DNMT1: variants seen among roughly 807,000 people sequenced by gnomAD.
The protein encoded by DNMT1 is DNA methyltransferase 1.
A neutral mutation model predicts 205.3 loss-of-function variants in DNMT1; 24 were observed. That is an observed-to-expected ratio of 0.12 (90% CI 0.08 to 0.16). The LOEUF (loss-of-function observed/expected upper bound fraction) is 0.16, where lower values mean the gene tolerates loss of function less well. DNMT1 is among the 10% of genes least tolerant of loss of function. The pLI is 1.00. For synonymous variants in DNMT1, 817 were observed against 839.8 expected, an observed-to-expected ratio of 0.97 and a Z score of 0.47; for missense variants, 1,293 against 2,177.7, an observed-to-expected ratio of 0.59 and a Z score of 8.09.
intron 9 of DNMT1, among the ~76,000 whole-genome samples, chr19:10,170,713 C>A (rs1175295789): frequency 6.6e-6 from 1 of 152,148 alleles, no homozygotes; most frequent in Non-Finnish European, 1.5e-5. Context: ...TTACTAAGCT[C>A]CCAAGTAAGG....
chr19:10,167,113 C>A (rs1391339518), intron 10 of DNMT1, among the ~76,000 whole-genome samples: 1 of 152,164 alleles, frequency 6.6e-6, no homozygotes, highest in Non-Finnish European at 1.5e-5. Flanking sequence ...AGGGCCCTGC[C>A]GCTCAGGTGG....
chr19:10,156,531 T>C lies in DNMT1; in HGVS notation c.1281-22A>G, dbSNP rs374068606. The C allele has an allele frequency of 5.0e-6, 8 of 1,584,916 alleles. No homozygotes were observed. The African/African-American group carries it at 8.1e-5, about 16-fold the overall frequency. ...CACACTAGACAGGAAACAAAGCACA[T>C]GCTTACCAGCTAAGCCGTGAAGGCG... On this transcript the variant is annotated intron_variant, in intron 17 of 40. Coordinates refer to ENST00000359526, the MANE Select transcript of DNMT1 (RefSeq NM_001130823.3). The surrounding 1 kb of genome is among the most constrained non-coding windows in gnomAD (Gnocchi z 4.2).
chr19:10,166,565 G>T, intron 11 of DNMT1, 33 bp downstream of exon 11: 1 of 1,613,062 alleles, frequency 6.2e-7, no homozygotes, highest in Non-Finnish European at 8.5e-7. Context: ...AGAAGAATGA[G>T]GGGGAGTTCA....
chr19:10,167,214 G>A (rs1466039573), intron 10 of DNMT1, among the ~76,000 whole-genome samples: 1 of 146,438 alleles, frequency 6.8e-6, no homozygotes, highest in East Asian at 2.0e-4. Context: ...TTTTTTTCTT[G>A]AGGCAGAGTC....
At position 10,133,524 on chromosome 19, in the gene DNMT1, C is replaced by T. The variant is rs568286791; in HGVS notation, c.*143G>A. The T allele has an allele frequency of 1.1e-6, 1 of 914,782 alleles. No individual in the cohort carries two copies. The highest frequency in any genetic ancestry group is 1.7e-5 in the African/African-American group (1 of 60,304). The allele number at this position is 914,782 out of a possible 1,614,324, so 56.7% of individuals were successfully genotyped here. A position where few individuals can be genotyped will look rare whatever the true frequency, so the allele number is the denominator to read the frequency against. The stretch of plus-strand genomic sequence containing the variant: ...CTAAATCATTAGTTGATAAGCGAAC[C>T]TCACACAACAGCTTCATGTCAGCCA... On this transcript the variant is annotated 3_prime_UTR_variant, in exon 41 of 41. Transcript: ENST00000359526. The surrounding 1 kb of genome is among the most constrained non-coding windows in gnomAD (Gnocchi z 4.1).
At chr19:10,190,142 A>G (rs775991852) in intron 1 of DNMT1, among the ~76,000 whole-genome samples, 26 of 152,202 alleles carry the variant, frequency 1.7e-4, no homozygotes, top group Non-Finnish European at 8.8e-5. Flanking sequence ...ACTGGAGTTA[A>G]GGAGTTCAAG....
intron 1 of DNMT1, among the ~76,000 whole-genome samples, chr19:10,189,603 T>TGG (rs572078678): frequency 6.7e-6 from 1 of 149,896 alleles, no homozygotes; most frequent in African/African-American, 2.5e-5. Context: ...TTTTTTGAGA[T>TGG]GGGGGGGGTC....
chr19:10,157,276 T>C (rs1053710739), intron 17 of DNMT1, among the ~76,000 whole-genome samples: 2 of 151,724 alleles, frequency 1.3e-5, no homozygotes, highest in Non-Finnish European at 2.9e-5. Flanking sequence ...TCAAGATACC[T>C]CATATGGTTA....
chr19:10,167,992 A>G (rs2038730264), intron 10 of DNMT1, among the ~76,000 whole-genome samples: 1 of 152,066 alleles, frequency 6.6e-6, no homozygotes, highest in Non-Finnish European at 1.5e-5. Flanking sequence ...GCATGGTGGT[A>G]CAGGCCCATA....
chr19:10,144,453 T>G, intron 28 of DNMT1: 1 of 253,742 alleles, frequency 3.9e-6, no homozygotes, highest in Non-Finnish European at 7.8e-6. Flanking sequence ...AGTCTCACAG[T>G]TTGAAGCACG....
At position 10,154,367 on chromosome 19, in the gene DNMT1, C is replaced by T. The variant is rs1228041705; in HGVS notation, c.1945G>A (p.Ala649Thr). Residue 649 changes from alanine (A) to threonine (T), a missense_variant, in exon 22 of 41, where the codon GCA becomes ACA. Around this residue, in one of 13 missense-constraint regions of DNMT1, gnomAD observed 197 missense variants for 353.6 expected, o/e 0.56. Coordinates refer to ENST00000359526, the MANE Select transcript of DNMT1 (RefSeq NM_001130823.3). The surrounding 1 kb of genome is among the most constrained non-coding windows in gnomAD (Gnocchi z 6.3). ...CTGTCATCCTTTTCAATTTGCTCTG[C>T]GAAGAAAGTATCGAAGATCTGGTAG... ...LVYQIFDTFF[A>T]EQIEKDDRED... is the part of the protein sequence containing the mutation. 1.2e-6 allele frequency: 2 copies of T among 1,614,216 alleles called. No homozygotes were observed. Among genetic ancestry groups the T allele is most frequent in the Admixed American group, 1.7e-5 (1 of 60,030 alleles).
intron 37 of DNMT1, among the ~76,000 whole-genome samples, chr19:10,136,793 C>T (rs1255193655): frequency 6.6e-6 from 1 of 151,260 alleles, no homozygotes; most frequent in African/African-American, 2.4e-5. Flanking sequence ...GGGTCTCACT[C>T]TGTCTCCCAG....
In DNMT1 at chr19:10,140,104, G is replaced by A; in HGVS notation, c.3748C>T (p.Arg1250Cys). ...PPCQGFSGMNRFNSRTYSKFK... is the reference protein window; with the variant it reads ...PPCQGFSGMNCFNSRTYSKFK... ...TTGGAGTAGGTGCGCGAATTGAAGC[G>A]GTTCATGCCGCTGAAGCCCTGGCAG... Residue 1250 changes from arginine (R) to cysteine (C), a missense_variant, in exon 33 of 41, where the codon CGC becomes TGC. Around this residue, in one of 13 missense-constraint regions of DNMT1, gnomAD observed 38 missense variants for 141.1 expected, o/e 0.27. Coordinates refer to ENST00000359526, the MANE Select transcript of DNMT1 (RefSeq NM_001130823.3). The surrounding 1 kb of genome is among the most constrained non-coding windows in gnomAD (Gnocchi z 8.4). 1 of 1,613,948 alleles carries A rather than the reference G, an allele frequency of 6.2e-7. No homozygotes were observed. The highest frequency in any genetic ancestry group is 8.5e-7 in the Non-Finnish European group (1 of 1,180,038).
At chr19:10,170,527 C>T (rs536792077) in intron 9 of DNMT1, among the ~76,000 whole-genome samples, 1 of 152,192 alleles carries the variant, frequency 6.6e-6, no homozygotes, top group South Asian at 2.1e-4. Flanking sequence ...GCCTGTAATC[C>T]CAGCTACTCG....
intron 2 of DNMT1, 89 bp from the exon 3 acceptor site, chr19:10,180,974 C>T: frequency 9.7e-7 from 1 of 1,033,060 alleles, no homozygotes. Flanking sequence ...TGCCTGATCA[C>T]ATCACAATGA....
At position 10,160,441 on chromosome 19, in the gene DNMT1, G is replaced by A. The variant is rs376250938; in HGVS notation, c.1009-23C>T. 1.2e-5 allele frequency: 19 copies of A among 1,613,648 alleles called. No individual in the cohort carries two copies. In the African/African-American group the frequency reaches 2.5e-4, roughly 22 times the overall value. On this transcript the variant is annotated intron_variant, in intron 13 of 40. Coordinates refer to ENST00000359526, the MANE Select transcript of DNMT1 (RefSeq NM_001130823.3). ...CTCCTACACAGGGAAAACAAAAGAGGATTAAAGGCTAAGAGAGTGTTTTAC... is the reference window on the plus strand; with the variant it reads ...CTCCTACACAGGGAAAACAAAAGAGAATTAAAGGCTAAGAGAGTGTTTTAC...
intron 9 of DNMT1, among the ~76,000 whole-genome samples, chr19:10,172,341 G>C (rs2038837818): frequency 6.6e-6 from 1 of 151,520 alleles, no homozygotes; most frequent in South Asian, 2.1e-4. Flanking sequence ...GGGAGGCAGA[G>C]GTTGCGGTGA....
intron 11 of DNMT1, among the ~76,000 whole-genome samples, chr19:10,163,936 G>A (rs1425756879): frequency 3.9e-5 from 6 of 151,960 alleles, no homozygotes; most frequent in Non-Finnish European, 7.4e-5. Flanking sequence ...GCCCTGCACC[G>A]GGGCCAACAG....
intron 1 of DNMT1, among the ~76,000 whole-genome samples, chr19:10,185,717 C>T (rs1373840825): frequency 1.3e-5 from 2 of 151,592 alleles, no homozygotes; most frequent in Non-Finnish European, 2.9e-5. Context: ...GTGGTACCAG[C>T]TACTTGGGAG....
Sources: gnomAD v4.1 joint callset for allele counts (sites outside exome capture counted in the v4.1 genomes callset) on GRCh38, gnomAD v4.1.1 for gene constraint, gnomAD v4.1.1 regional missense constraint, Gnocchi (gnomAD v3.1) non-coding constraint, MANE v1.5 for transcripts, NCBI Gene and HGNC (gene_info 2026-07-23, HGNC 2026-07-21) for gene names.